Variants in NKAIN2 observed in about 807,000 individuals in gnomAD.
NKAIN2 encodes the protein sodium/potassium transporting ATPase interacting 2.
A neutral mutation model predicts 32.6 loss-of-function variants in NKAIN2; 14 were observed. That is an observed-to-expected ratio of 0.43 (90% CI 0.28 to 0.67). The LOEUF is 0.67. Ranked by LOEUF, NKAIN2 falls within the 30% of genes least tolerant of loss-of-function variation. NKAIN2 has a pLI of 0.17. For missense variants in NKAIN2, 198 were observed against 258.3 expected (o/e 0.77, Z 1.60); for synonymous variants, 80 against 87.2 (o/e 0.92, Z 0.46).
intron 2 of NKAIN2, among the ~76,000 whole-genome samples, chr6:124,326,718 T>C (rs1325447168): frequency 6.6e-6 from 1 of 152,152 alleles, no homozygotes; most frequent in Non-Finnish European, 1.5e-5. Flanking sequence ...GAGATAGACT[T>C]GCCAGATAAA....
intron 1 of NKAIN2, among the ~76,000 whole-genome samples, chr6:124,278,621 T>C (rs1487104951): frequency 1.4e-4 from 17 of 123,140 alleles, no homozygotes; most frequent in African/African-American, 4.7e-4. Flanking sequence ...CACACGTACA[T>C]ACACACACAA....
In NKAIN2 at chr6:124,331,821, G is replaced by A. The variant is rs1249654474; in HGVS notation, c.193-23446G>A. The stretch of plus-strand genomic sequence containing the variant: ...TCTAAATACCTGTGCATAGAATTAT[G>A]AATTTGATAAAGATACAATGGTTAT... On this transcript the variant is annotated intron_variant, in intron 2 of 6. Transcript: ENST00000368417. Among the ~76,000 whole-genome samples the A allele has an allele frequency of 1.3e-5, 2 of 152,104 alleles. 1 individual carries two copies. The highest frequency in any genetic ancestry group is 4.1e-4 in the South Asian group (2 of 4,828).
At chr6:123,842,841 G>A (rs1160117481) in intron 1 of NKAIN2, among the ~76,000 whole-genome samples, 1 of 152,160 alleles carries the variant, frequency 6.6e-6, no homozygotes, top group Non-Finnish European at 1.5e-5. Context: ...CTCTACGAGT[G>A]AGGCTCCTTC....
At chr6:124,622,190 G>T (rs1290451624) in intron 3 of NKAIN2, among the ~76,000 whole-genome samples, 1 of 152,206 alleles carries the variant, frequency 6.6e-6, no homozygotes, top group East Asian at 1.9e-4. Context: ...CTTTAGTCTT[G>T]GCACAGTTCC....
chr6:123,962,521 C>T (rs1001785219), intron 1 of NKAIN2, among the ~76,000 whole-genome samples: 4 of 152,230 alleles, frequency 2.6e-5, no homozygotes, highest in Non-Finnish European at 1.5e-5. Context: ...TTGTGCATAA[C>T]GTTGAGGAAT....
chr6:124,662,998 A>C (rs2114444702), intron 4 of NKAIN2, among the ~76,000 whole-genome samples: 1 of 152,312 alleles, frequency 6.6e-6, no homozygotes, highest in East Asian at 1.9e-4. Context: ...AGCAGTCAGA[A>C]GTGGTGTGGT....
chr6:124,298,369 A>G (rs1796153121), intron 2 of NKAIN2, among the ~76,000 whole-genome samples: 1 of 152,124 alleles, frequency 6.6e-6, no homozygotes. Flanking sequence ...ATGGTTCAGC[A>G]GAAAAAAGTC....
intron 3 of NKAIN2, among the ~76,000 whole-genome samples, chr6:124,583,335 C>A (rs1316842219): frequency 6.7e-6 from 1 of 150,160 alleles, no homozygotes; most frequent in Non-Finnish European, 1.5e-5. Context: ...CAACAAACAA[C>A]CTGAAAAACA....
chr6:124,040,251 T>C (rs1007143370), intron 1 of NKAIN2, among the ~76,000 whole-genome samples: 12 of 151,954 alleles, frequency 7.9e-5, no homozygotes, highest in African/African-American at 2.9e-4. Flanking sequence ...TAAATATTTA[T>C]GTAAGATTTT....
chr6:124,450,660 A>ATTAATTGATT (rs1191128376), intron 3 of NKAIN2, among the ~76,000 whole-genome samples: 1 of 151,846 alleles, frequency 6.6e-6, no homozygotes, highest in African/African-American at 2.4e-5. Context: ...TGATAAGAAT[A>ATTAATTGATT]TTAATTGATT....
chr6:124,617,463 G>A (rs918011688), intron 3 of NKAIN2, among the ~76,000 whole-genome samples: 1 of 151,938 alleles, frequency 6.6e-6, no homozygotes, highest in African/African-American at 2.4e-5. Flanking sequence ...ATTCCTCAAG[G>A]ACCAGCTTAA....
At chr6:124,164,354 T>C (rs965858338) in intron 1 of NKAIN2, among the ~76,000 whole-genome samples, 1 of 151,932 alleles carries the variant, frequency 6.6e-6, no homozygotes, top group African/African-American at 2.4e-5. Context: ...TTAAGGAAAA[T>C]AGTGATACTC....
intron 3 of NKAIN2, among the ~76,000 whole-genome samples, chr6:124,409,937 G>A (rs537961471): frequency 3.7e-4 from 56 of 152,108 alleles, no homozygotes; most frequent in African/African-American, 9.9e-4. Flanking sequence ...TGTATGTGTC[G>A]AGGAATTTAT....
chr6:123,830,483 T>A (rs1774334213), intron 1 of NKAIN2, among the ~76,000 whole-genome samples: 1 of 152,208 alleles, frequency 6.6e-6, no homozygotes, highest in South Asian at 2.1e-4. Context: ...GTATTCTCCG[T>A]GCTACCCTCT....
At chr6:124,324,328 T>A (rs1257628201) in intron 2 of NKAIN2, among the ~76,000 whole-genome samples, 1 of 152,214 alleles carries the variant, frequency 6.6e-6, no homozygotes, top group African/African-American at 2.4e-5. Flanking sequence ...TATACATTTT[T>A]CTAGATTTAT....
chr6:123,829,153 C>T (rs1774271037), intron 1 of NKAIN2: 1 of 152,094 alleles, frequency 6.6e-6, no homozygotes, highest in East Asian at 1.9e-4. Flanking sequence ...GTGTGAAATC[C>T]CTATCTGCTC....
At chr6:124,808,717 T>A (rs1415047705) in intron 5 of NKAIN2, among the ~76,000 whole-genome samples, 2 of 152,210 alleles carry the variant, frequency 1.3e-5, no homozygotes, top group Non-Finnish European at 2.9e-5. Flanking sequence ...ATGATATGAT[T>A]GTATATCTAG....
intron 3 of NKAIN2, among the ~76,000 whole-genome samples, chr6:124,537,228 G>T (rs193172273): frequency 2.0e-4 from 30 of 152,314 alleles, no homozygotes; most frequent in Admixed American, 9.8e-4. Flanking sequence ...CCTAAACTGA[G>T]AATTAGAATG....
chr6:124,794,963 T>A, intron 5 of NKAIN2: 1 of 343,880 alleles, frequency 2.9e-6, no homozygotes, highest in Non-Finnish European at 4.1e-6. Flanking sequence ...GGTGAAAGGT[T>A]AAAATAAAAC....
Sources: allele counts gnomAD v4.1 joint callset (sites outside exome capture counted in the v4.1 genomes callset), GRCh38; gene constraint gnomAD v4.1.1; transcripts MANE v1.5; gene names NCBI Gene and HGNC (gene_info 2026-07-23, HGNC 2026-07-21).